Variants in LPIN1 observed in about 807,000 individuals in gnomAD.
LPIN1 encodes phosphatidate phosphatase LPIN1.
Under a neutral mutation model 107.5 loss-of-function variants are expected in LPIN1, and 71 were observed. The observed-to-expected ratio is 0.66, with a 90% CI of 0.55 to 0.80. The LOEUF (loss-of-function observed/expected upper bound fraction) is 0.80, where lower values mean the gene tolerates loss of function less well. LPIN1 is among the 30% of genes least tolerant of loss of function. LPIN1 has a pLI of 0.00. For synonymous variants in LPIN1, 445 were observed against 452.6 expected (o/e 0.98, Z 0.21); for missense variants, 1,043 against 1,160.6 (o/e 0.90, Z 1.47).
chr2:11,747,821 A>G (rs1458358911), intron 1 of LPIN1, among the ~76,000 whole-genome samples: 1 of 152,190 alleles, frequency 6.6e-6, no homozygotes, highest in Non-Finnish European at 1.5e-5. Flanking sequence ...GTTTGCCAGC[A>G]TTTGTTATTG....
chr2:11,734,617 C>T (rs772720349), intron 1 of LPIN1, among the ~76,000 whole-genome samples: 28 of 152,326 alleles, frequency 1.8e-4, no homozygotes, highest in Middle Eastern at 3.4e-3. Flanking sequence ...GCCAGATAGG[C>T]TCTCTTTTAC....
intron 1 of LPIN1, among the ~76,000 whole-genome samples, chr2:11,734,165 T>G (rs1412901345): frequency 6.6e-6 from 1 of 152,224 alleles, no homozygotes; most frequent in Non-Finnish European, 1.5e-5. Context: ...GAAGCTACTG[T>G]TAGAGCATGA....
chr2:11,726,607 C>G (rs1016366632), intron 1 of LPIN1, among the ~76,000 whole-genome samples: 16 of 152,140 alleles, frequency 1.1e-4, no homozygotes, highest in African/African-American at 3.1e-4. Flanking sequence ...CCCTCCTCCC[C>G]CTCCCAAACT....
chr2:11,806,243 CTG>C (rs1230264149), intron 17 of LPIN1, among the ~76,000 whole-genome samples: 1 of 152,244 alleles, frequency 6.6e-6, no homozygotes, highest in African/African-American at 2.4e-5. Flanking sequence ...TTCTAGAACT[CTG>C]TGAACACAGA....
At chr2:11,691,083 G>GTTTTTTTT (rs373579741) in intron 1 of LPIN1, among the ~76,000 whole-genome samples, 6 of 120,268 alleles carry the variant, frequency 5.0e-5, no homozygotes, top group Non-Finnish European at 4.8e-5. Flanking sequence ...ATCTTGTTGT[G>GTTTTTTTT]GTTTTTTTTT....
rs144267057 is a variant in LPIN1, at chr2:11,699,512, G to A, written c.82-14244G>A. The stretch of plus-strand genomic sequence containing the variant: ...AGAACGCTCACCTTTTACGGTGCTA[G>A]TGTGAGTCATGGGAGCACCTTTCCT... On this transcript the variant is annotated intron_variant, in intron 1 of 21. Transcript: ENST00000449576. Among the ~76,000 whole-genome samples, 806 of 152,172 alleles carry A rather than the reference G, an allele frequency of 5.3e-3. 4 individuals carry two copies. The highest frequency in any genetic ancestry group is 0.018 in the African/African-American group (763 of 41,506).
chr2:11,804,094 G>A (rs1026780123), intron 15 of LPIN1, among the ~76,000 whole-genome samples: 14 of 152,124 alleles, frequency 9.2e-5, no homozygotes, highest in African/African-American at 2.9e-4. Flanking sequence ...TTATTACGCC[G>A]TGTAGCCCCG....
At chr2:11,789,355 G>A (rs989565115) in intron 12 of LPIN1, among the ~76,000 whole-genome samples, 5 of 152,126 alleles carry the variant, frequency 3.3e-5, no homozygotes, top group African/African-American at 1.2e-4. Context: ...GCATTTGCAT[G>A]CGTGTGTGTG....
At chr2:11,821,289 G>T (rs1167353119) in intron 20 of LPIN1, among the ~76,000 whole-genome samples, 1 of 152,202 alleles carries the variant, frequency 6.6e-6, no homozygotes, top group Non-Finnish European at 1.5e-5. Context: ...GGCTGAGGTG[G>T]GTGGATCACC....
chr2:11,787,555 T>C (rs1172224479), intron 11 of LPIN1, among the ~76,000 whole-genome samples: 3 of 152,078 alleles, frequency 2.0e-5, no homozygotes, highest in African/African-American at 7.2e-5. Context: ...TGTGAGCCAC[T>C]ACACCCAGCT....
At chr2:11,808,151 C>A (rs1392512496) in intron 17 of LPIN1, among the ~76,000 whole-genome samples, 1 of 152,212 alleles carries the variant, frequency 6.6e-6, no homozygotes, top group African/African-American at 2.4e-5. Flanking sequence ...CTGGTCTCTT[C>A]CCCGTCCCCG....
chr2:11,762,292 A>G (rs1379395678), intron 1 of LPIN1, among the ~76,000 whole-genome samples: 1 of 152,122 alleles, frequency 6.6e-6, no homozygotes, highest in Non-Finnish European at 1.5e-5. Flanking sequence ...CAGCACTGCC[A>G]CGCGTTCACC....
intron 1 of LPIN1, among the ~76,000 whole-genome samples, chr2:11,737,036 C>A (rs1665856001): frequency 6.6e-6 from 1 of 152,116 alleles, no homozygotes; most frequent in South Asian, 2.1e-4. Flanking sequence ...GGGAAGTGGA[C>A]CAGGAGGAGG....
At chr2:11,727,657 T>C (rs1447536792) in intron 1 of LPIN1, among the ~76,000 whole-genome samples, 2 of 152,246 alleles carry the variant, frequency 1.3e-5, no homozygotes, top group African/African-American at 4.8e-5. Flanking sequence ...CTATTATCTT[T>C]CTATATTTTA....
chr2:11,771,696 G>A lies in LPIN1; in HGVS notation c.596+17G>A. 2 of 1,575,342 alleles carry A rather than the reference G, an allele frequency of 1.3e-6. No individual in the cohort carries two copies. Among genetic ancestry groups the A allele is most frequent in the Non-Finnish European group, 1.7e-6 (2 of 1,160,110 alleles). ...GAGCAGCAGGTAATAACTGTCCAGG[G>A]TGGAGGGGCTGTGCCAGAATCAGAC... On this transcript the variant is annotated intron_variant, in intron 4 of 20. Coordinates refer to ENST00000674199, the MANE Select transcript of LPIN1 (RefSeq NM_001349206.2). The surrounding 1 kb of genome is among the most constrained non-coding windows in gnomAD (Gnocchi z 4.8).
At chr2:11,780,599 G>A (rs1673425169) in intron 7 of LPIN1, among the ~76,000 whole-genome samples, 1 of 152,222 alleles carries the variant, frequency 6.6e-6, no homozygotes, top group Non-Finnish European at 1.5e-5. Context: ...AAAATAAATA[G>A]AGAAGCAGCT....
chr2:11,714,201 C>G (rs1489386308), intron 2 of LPIN1, among the ~76,000 whole-genome samples: 12 of 152,236 alleles, frequency 7.9e-5, no homozygotes. Flanking sequence ...TTGCACATGA[C>G]TAATGAGAGC....
chr2:11,701,247 C>A (rs1277443912), intron 1 of LPIN1, among the ~76,000 whole-genome samples: 1 of 152,178 alleles, frequency 6.6e-6, no homozygotes, highest in Non-Finnish European at 1.5e-5. Flanking sequence ...ATGCAGCACG[C>A]ATCATGTTGG....
chr2:11,744,534 C>A (rs1490761695), upstream of LPIN1, among the ~76,000 whole-genome samples: 1 of 152,248 alleles, frequency 6.6e-6, no homozygotes, highest in Non-Finnish European at 1.5e-5. Context: ...CTCATCAGAG[C>A]TGACCCTAGC....
Sources: allele counts gnomAD v4.1 joint callset (sites outside exome capture counted in the v4.1 genomes callset), GRCh38; gene constraint gnomAD v4.1.1; non-coding constraint Gnocchi (gnomAD v3.1); transcripts MANE v1.5; gene names NCBI Gene and HGNC (gene_info 2026-07-23, HGNC 2026-07-21).